The following GPBP1L1 variants were observed in gnomAD, a reference collection of about 807,000 sequenced individuals.
GPBP1L1 encodes vasculin-like protein 1.
Under a neutral mutation model 52.5 loss-of-function variants are expected in GPBP1L1, and 23 were observed. The ratio of observed to expected loss-of-function variants is 0.44; its 90% CI spans 0.32 to 0.62. The LOEUF is 0.62. Ranked by LOEUF, GPBP1L1 falls within the 20% of genes least tolerant of loss-of-function variation. The pLI, the probability that GPBP1L1 is intolerant of heterozygous loss-of-function variation, is 0.06. For missense variants in GPBP1L1, 596 were observed against 579.3 expected, an observed-to-expected ratio of 1.03 and a Z score of -0.30; for synonymous variants, 243 against 203.1, an observed-to-expected ratio of 1.20 and a Z score of -1.67.
rs979313827 is a variant in GPBP1L1 at position 45,633,587 on chromosome 1, G to C, written c.946C>G (p.Arg316Gly). Residue 316 changes from arginine (R) to glycine (G), a missense_variant, in exon 10 of 13, where the codon CGC (arginine) becomes GGC (glycine). Coordinates refer to ENST00000355105, the MANE Select transcript of GPBP1L1 (RefSeq NM_021639.5). ...ISSSRLTKLTRRTTDRKSEFL... is the reference protein window; with the variant it reads ...ISSSRLTKLTGRTTDRKSEFL... ...TCACTCTTCCTGTCGGTGGTTCGGC[G>C]GGTCAACTTGGTCAGACGAGAGGAG... The C allele has an allele frequency of 6.2e-7, 1 of 1,613,528 alleles. No homozygotes were observed. The highest frequency in any genetic ancestry group is 8.5e-7 in the Non-Finnish European group (1 of 1,179,894).
chr1:45,651,724 C>A (rs961546238), intron 6 of GPBP1L1: 4 of 438,012 alleles, frequency 9.1e-6, no homozygotes, highest in Middle Eastern at 6.4e-4. Flanking sequence ...AATTCTTAGG[C>A]CTTTTCTTAA....
chr1:45,640,996 C>G (rs550280657), intron 7 of GPBP1L1, among the ~76,000 whole-genome samples: 1 of 151,934 alleles, frequency 6.6e-6, no homozygotes, highest in South Asian at 2.1e-4. Flanking sequence ...GCATGGATGA[C>G]AAAGTCAGAC....
At position 45,660,358 on chromosome 1, in the gene GPBP1L1, CATCTT is replaced by C; in HGVS notation, c.-235_-231del. 2 of 984,548 alleles carry C rather than the reference CATCTT, an allele frequency of 2.0e-6. No homozygotes were observed. The highest frequency in any genetic ancestry group is 2.4e-6 in the Non-Finnish European group (2 of 829,820). 61.0% of individuals were successfully genotyped at this position (984,548 alleles called of 1,614,324 possible). A position where few individuals can be genotyped will look rare whatever the true frequency, so the allele number is the denominator to read the frequency against. ...CACTCTCTCAGTCCCCTCAACTGCTCATCTTAAACTATTTGGTTCCTGACACGTTT... is the reference window on the plus strand; with the variant it reads ...CACTCTCTCAGTCCCCTCAACTGCTCAAACTATTTGGTTCCTGACACGTTT... On this transcript the variant is annotated 5_prime_UTR_variant, in exon 3 of 13. The change abolishes an upstream ATG in the 5' untranslated region. Transcript: ENST00000355105.
At chr1:45,647,535 T>C (rs550280444) in intron 6 of GPBP1L1, among the ~76,000 whole-genome samples, 15 of 152,326 alleles carry the variant, frequency 9.8e-5, no homozygotes, top group African/African-American at 3.6e-4. Context: ...AAACTTTTCC[T>C]TTGACAGCTG....
chr1:45,644,963 T>C (rs1017461174), intron 6 of GPBP1L1, among the ~76,000 whole-genome samples: 1 of 152,214 alleles, frequency 6.6e-6, no homozygotes, highest in African/African-American at 2.4e-5. Context: ...GTGAGGTAGG[T>C]ATCATTGTGA....
At chr1:45,635,857 G>A (rs566113652) in intron 8 of GPBP1L1, 1 of 152,206 alleles carries the variant, frequency 6.6e-6, no homozygotes, top group South Asian at 2.1e-4. Context: ...TCAAAGGAAT[G>A]TCCTCCTCCC....
intron 2 of GPBP1L1, among the ~76,000 whole-genome samples, chr1:45,684,829 G>A (rs1340995641): frequency 4.6e-5 from 7 of 151,936 alleles, no homozygotes; most frequent in Non-Finnish European, 1.5e-5. Context: ...AATCCTAGGG[G>A]TATTAACAAA....
chr1:45,672,787 G>A (rs914924230), intron 2 of GPBP1L1, among the ~76,000 whole-genome samples: 1 of 152,144 alleles, frequency 6.6e-6, no homozygotes, highest in Non-Finnish European at 1.5e-5. Context: ...GCAGAAACAT[G>A]TTTCAAGAAG....
At position 45,671,831 on chromosome 1, in the gene GPBP1L1, T is replaced by TAATAAATAAATAAATA. The variant is rs141577520; in HGVS notation, c.-1097-10622_-1097-10607dup. ...CAGAGCGAGACTCTGTCTCTAATAA[T>TAATAAATAAATAAATA]AATAAATAAATAAATAAATAAATAA... On this transcript the variant is annotated intron_variant, in intron 2 of 12. Transcript: ENST00000355105. Among the ~76,000 whole-genome samples the TAATAAATAAATAAATA allele has an allele frequency of 1.3e-4, 19 of 151,208 alleles. No individual in the cohort carries two copies. The East Asian group carries it at 1.4e-3, about 11-fold the overall frequency.
At chr1:45,630,770 CA>C (rs10708597) in intron 10 of GPBP1L1, 164 bp from the exon 11 acceptor site, 614,085 of 638,818 alleles carry the variant, frequency 0.96, 298,026 homozygotes, top group Non-Finnish European at 1. Flanking sequence ...GCTGCATCAA[CA>C]AAACTGATTC....
rs1221022041 is a variant in GPBP1L1 at position 45,646,068 on chromosome 1, T to C, written c.478-3569A>G. ...GATTTCAAATTTGCCAATGTAACGA[T>C]GCTTCATCATCACAGCTAGAAGTTG... On this transcript the variant is annotated intron_variant, in intron 6 of 12. Transcript: ENST00000355105. 8.4e-6 allele frequency: 4 copies of C among 478,484 alleles called. No homozygotes were observed. In the Admixed American group the frequency reaches 9.2e-5, roughly 11 times the overall value. 29.6% of individuals were successfully genotyped at this position (478,484 alleles called of 1,614,324 possible). A position where few individuals can be genotyped will look rare whatever the true frequency, so the allele number is the denominator to read the frequency against.
At position 45,643,529 on chromosome 1, in the gene GPBP1L1, G is replaced by C. The variant is rs1449619415; in HGVS notation, c.478-1030C>G. 2.0e-5 allele frequency among the ~76,000 whole-genome samples: 3 copies of C among 152,062 alleles called. No homozygotes were observed. The South Asian group carries it at 6.2e-4, about 31-fold the overall frequency. ...GTCCGGGAGGGTAATAAAGGTAACA[G>C]AAGTAGAGAACGAGATAAGGGAAAG... is the stretch of plus-strand genomic sequence containing the variant. On this transcript the variant is annotated intron_variant, in intron 6 of 12. Transcript: ENST00000355105.
intron 6 of GPBP1L1, among the ~76,000 whole-genome samples, chr1:45,645,390 T>A (rs1644730947): frequency 6.6e-6 from 1 of 152,228 alleles, no homozygotes; most frequent in African/African-American, 2.4e-5. Flanking sequence ...TTTACGTTTT[T>A]ATTTCCTCCT....
chr1:45,644,304 C>T (rs1344057222), intron 6 of GPBP1L1, among the ~76,000 whole-genome samples: 1 of 152,186 alleles, frequency 6.6e-6, no homozygotes, highest in Non-Finnish European at 1.5e-5. Flanking sequence ...ATGTTGTACC[C>T]AGGGTTCTCA....
intron 6 of GPBP1L1, among the ~76,000 whole-genome samples, chr1:45,652,918 G>T (rs890327283): frequency 6.6e-6 from 1 of 152,062 alleles, no homozygotes; most frequent in African/African-American, 2.4e-5. Flanking sequence ...GTCTTTCTTG[G>T]ATTTGCTTGT....
intron 6 of GPBP1L1, chr1:45,646,023 C>T (rs2148451468): frequency 2.0e-6 from 1 of 507,646 alleles, no homozygotes; most frequent in African/African-American, 1.9e-5. Flanking sequence ...CACAATTTTC[C>T]CAGCTCTGTT....
chr1:45,656,990 C>T (rs1644893118), intron 4 of GPBP1L1, among the ~76,000 whole-genome samples: 1 of 152,122 alleles, frequency 6.6e-6, no homozygotes, highest in Non-Finnish European at 1.5e-5. Flanking sequence ...CCAGCCTCTA[C>T]AGGCCTATTT....
intron 2 of GPBP1L1, among the ~76,000 whole-genome samples, chr1:45,666,178 A>G (rs917448287): frequency 6.6e-6 from 1 of 151,310 alleles, no homozygotes; most frequent in Non-Finnish European, 1.5e-5. Context: ...GCTGGAGTGC[A>G]GTGGCACCCA....
intron 10 of GPBP1L1, 104 bp from the exon 11 acceptor site, chr1:45,630,710 A>C: frequency 7.7e-7 from 1 of 1,305,742 alleles, no homozygotes. Context: ...TGTTTTCCAA[A>C]AGACAGCCTC....
Sources: allele counts gnomAD v4.1 joint callset (sites outside exome capture counted in the v4.1 genomes callset), GRCh38; gene constraint gnomAD v4.1.1; transcripts MANE v1.5; gene names NCBI Gene and HGNC (gene_info 2026-07-23, HGNC 2026-07-21).